The following TFAP2D variants were observed in gnomAD, a reference collection of about 807,000 sequenced individuals.
TFAP2D encodes transcription factor AP-2 delta.
TFAP2D carries 9 observed loss-of-function variants against 43.6 expected under a neutral mutation model. That is an observed-to-expected ratio of 0.21 (90% confidence interval 0.12 to 0.36). The LOEUF (loss-of-function observed/expected upper bound fraction) is 0.36. Among genes scored for constraint, TFAP2D ranks in the 10% least tolerant of loss-of-function variants. The pLI is 1.00. For missense variants in TFAP2D, 513 were observed against 561.4 expected (o/e 0.91, Z 0.87); for synonymous variants, 256 against 224.9 (o/e 1.14, Z -1.24).
rs764115952 is a variant in TFAP2D, at chr6:50,719,125, T to C, written c.573T>C (p.Asn191=). The change falls in exon 3 of 8, where the codon AAT becomes AAC. Residue 191 remains asparagine, a synonymous_variant. Coordinates refer to ENST00000008391, the MANE Select transcript of TFAP2D (RefSeq NM_172238.4). ...SVEAQCGLVL[N]GQGGVIRRGG... ...AGGCCCAGTGTGGGCTTGTTCTCAA[T>C]GGCCAAGGTGGAGTGATAAGAAGAG... The C allele has an allele frequency of 4.2e-5, 67 of 1,613,902 alleles. No homozygotes were observed. Among genetic ancestry groups the C allele is most frequent in the East Asian group, 2.5e-4 (11 of 44,878 alleles).
chr6:50,757,306 A>G (rs1157848989), intron 7 of TFAP2D, among the ~76,000 whole-genome samples: 1 of 141,868 alleles, frequency 7.0e-6, no homozygotes, highest in African/African-American at 2.6e-5. Context: ...TATTCTCTAT[A>G]TTCTCTATAT....
At chr6:50,764,664 C>A (rs1769416539) in intron 7 of TFAP2D, among the ~76,000 whole-genome samples, 2 of 152,174 alleles carry the variant, frequency 1.3e-5, no homozygotes, top group Non-Finnish European at 2.9e-5. Flanking sequence ...CCTTCTTCCC[C>A]AGGCTAGACG....
intron 2 of TFAP2D, among the ~76,000 whole-genome samples, 186 bp from the exon 3 acceptor site, chr6:50,718,904 A>C (rs1758087985): frequency 6.6e-6 from 1 of 152,090 alleles, no homozygotes; most frequent in Non-Finnish European, 1.5e-5. Flanking sequence ...CAACTTTTAG[A>C]TTGTGGTTTT....
intron 7 of TFAP2D, among the ~76,000 whole-genome samples, chr6:50,761,442 G>A (rs1311310639): frequency 1.3e-5 from 2 of 151,918 alleles, no homozygotes; most frequent in Non-Finnish European, 2.9e-5. Flanking sequence ...TTTATCTATG[G>A]TTGGCAGACA....
chr6:50,765,524 C>T (rs527560746), intron 7 of TFAP2D, among the ~76,000 whole-genome samples: 1 of 152,268 alleles, frequency 6.6e-6, no homozygotes, highest in East Asian at 1.9e-4. Flanking sequence ...CTCACCACCA[C>T]TTATTTCTCA....
chr6:50,728,593 G>A (rs761572809), intron 3 of TFAP2D, among the ~76,000 whole-genome samples: 5 of 152,114 alleles, frequency 3.3e-5, no homozygotes, highest in Non-Finnish European at 7.4e-5. Flanking sequence ...TAGCACTGGT[G>A]AGTCAGTCTA....
chr6:50,756,898 G>A (rs1399098677), intron 7 of TFAP2D, among the ~76,000 whole-genome samples: 4 of 151,860 alleles, frequency 2.6e-5, no homozygotes, highest in Non-Finnish European at 5.9e-5. Context: ...TAACTTTTTT[G>A]AAATGTTAGG....
chr6:50,751,383 A>G, intron 7 of TFAP2D, 59 bp downstream of exon 7: 1 of 1,165,124 alleles, frequency 8.6e-7, no homozygotes, highest in African/African-American at 1.5e-5. Flanking sequence ...TTGTATTCCT[A>G]TCACAGTTCT....
chr6:50,718,649 T>TC (rs1470613291), intron 2 of TFAP2D, among the ~76,000 whole-genome samples: 2 of 152,130 alleles, frequency 1.3e-5, no homozygotes, highest in Non-Finnish European at 2.9e-5. Flanking sequence ...CCATAAGACA[T>TC]CTTGTATCCT....
At chr6:50,744,684 T>C (rs1048854912) in intron 5 of TFAP2D, among the ~76,000 whole-genome samples, 4 of 152,114 alleles carry the variant, frequency 2.6e-5, no homozygotes, top group African/African-American at 9.7e-5. Context: ...ATAGGTCTCA[T>C]GGAAAAAACA....
At chr6:50,749,725 A>G (rs1226588612) in intron 6 of TFAP2D, among the ~76,000 whole-genome samples, 1 of 151,932 alleles carries the variant, frequency 6.6e-6, no homozygotes, top group African/African-American at 2.4e-5. Context: ...TATATTTCAT[A>G]AAGCAACTGA....
In TFAP2D at chr6:50,745,154, G is replaced by C; in HGVS notation, c.931G>C (p.Glu311Gln). 6.2e-7 allele frequency: 1 copy of C among 1,613,724 alleles called. No homozygotes were observed. Among genetic ancestry groups the C allele is most frequent in the Non-Finnish European group, 8.5e-7 (1 of 1,179,814 alleles). Reference sequence around the variant, plus strand: ...GGATTTTGGCTACACTTGTGAAACAGAGTTTCCAGCCAAAGCAGTAGGAGA... The same window carrying C: ...GGATTTTGGCTACACTTGTGAAACACAGTTTCCAGCCAAAGCAGTAGGAGA... ...ARDFGYTCETEFPAKAVGEHL... is the reference protein window; with the variant it reads ...ARDFGYTCETQFPAKAVGEHL... The change falls in exon 6 of 8, where the codon GAG becomes CAG. Residue 311 changes from glutamate (E) to glutamine (Q), a missense_variant. Physicochemically the swap from Glu to Gln is conservative, Grantham distance 29 (BLOSUM62 2). Transcript: ENST00000008391.
At chr6:50,736,211 G>C (rs1768961100) in intron 5 of TFAP2D, among the ~76,000 whole-genome samples, 1 of 152,176 alleles carries the variant, frequency 6.6e-6, no homozygotes, top group African/African-American at 2.4e-5. Context: ...GATATGAAAA[G>C]TGTAGTGCGT....
At chr6:50,743,953 CTT>C in intron 5 of TFAP2D, among the ~76,000 whole-genome samples, 1 of 152,220 alleles carries the variant, frequency 6.6e-6, no homozygotes, top group South Asian at 2.1e-4. Flanking sequence ...CTTTGGTACT[CTT>C]TTATAGTCCC....
chr6:50,762,665 A>T (rs1769378901), intron 7 of TFAP2D, among the ~76,000 whole-genome samples: 1 of 152,074 alleles, frequency 6.6e-6, no homozygotes, highest in Non-Finnish European at 1.5e-5. Flanking sequence ...CCATGAATAA[A>T]ATTAGGAAGA....
rs1376880982 is a variant in TFAP2D, at chr6:50,772,984, T to TA, written c.*127dup. On this transcript the variant is annotated 3_prime_UTR_variant, in exon 8 of 8. Transcript: ENST00000008391. ...ATCTCTACCCTTCCCCAACCCTCCATAAAAAAACAAAAATGGAAATGAAAA... is the reference window on the plus strand; with the variant it reads ...ATCTCTACCCTTCCCCAACCCTCCATAAAAAAAACAAAAATGGAAATGAAAA... The TA allele has an allele frequency of 1.2e-4, 87 of 704,116 alleles. No individual in the cohort carries two copies. The highest frequency in any genetic ancestry group is 1.6e-4 in the Non-Finnish European group (83 of 533,636). 43.6% of individuals were successfully genotyped at this position (704,116 alleles called of 1,614,324 possible). A position where few individuals can be genotyped will look rare whatever the true frequency, so the allele number is the denominator to read the frequency against.
At chr6:50,748,235 C>A (rs1561938200) in intron 6 of TFAP2D, among the ~76,000 whole-genome samples, 1 of 151,860 alleles carries the variant, frequency 6.6e-6, no homozygotes, top group Non-Finnish European at 1.5e-5. Flanking sequence ...ATGGACCCAA[C>A]ATGTGTTCTG....
At chr6:50,747,715 G>C (rs191374353) in intron 6 of TFAP2D, among the ~76,000 whole-genome samples, 2 of 152,158 alleles carry the variant, frequency 1.3e-5, no homozygotes, top group South Asian at 4.2e-4. Flanking sequence ...TTTAATAGAA[G>C]TAAATGCTAG....
intron 5 of TFAP2D, among the ~76,000 whole-genome samples, chr6:50,733,420 T>C (rs1440158227): frequency 6.6e-6 from 1 of 152,088 alleles, no homozygotes; most frequent in African/African-American, 2.4e-5. Context: ...ATCAGAAAGA[T>C]GTCAGTCTCT....
Sources: gnomAD v4.1 joint callset for allele counts (sites outside exome capture counted in the v4.1 genomes callset) on GRCh38, gnomAD v4.1.1 for gene constraint, MANE v1.5 for transcripts, NCBI Gene and HGNC (gene_info 2026-07-23, HGNC 2026-07-21) for gene names.